Variants in BCAT1 observed in about 807,000 individuals in gnomAD.
BCAT1 encodes branched-chain-amino-acid aminotransferase, cytosolic.
Under a neutral mutation model 52.4 loss-of-function variants are expected in BCAT1, and 48 were observed. That is an observed-to-expected ratio of 0.92 (90% CI 0.73 to 1.16). The LOEUF is 1.16. Ranked by LOEUF, BCAT1 falls within the 50% of genes most tolerant of loss-of-function variation. BCAT1 has a pLI of 0.00. For synonymous variants in BCAT1, 167 were observed against 161.3 expected (o/e 1.04, Z -0.27); for missense variants, 451 against 457.1 (o/e 0.99, Z 0.12).
intron 1 of BCAT1, among the ~76,000 whole-genome samples, chr12:24,930,991 C>T (rs982987556): frequency 2.0e-5 from 3 of 150,912 alleles, no homozygotes; most frequent in African/African-American, 7.3e-5. Flanking sequence ...CAACCTCCAC[C>T]TCCCAGGTTC....
rs182736216 is a variant in BCAT1, at chr12:24,839,432, A to G, written c.817+2650T>C. Among the ~76,000 whole-genome samples, 83 of 152,322 alleles carry G rather than the reference A, an allele frequency of 5.4e-4. No individual in the cohort carries two copies. The East Asian group carries it at 0.011, about 20-fold the overall frequency. On this transcript the variant is annotated intron_variant, in intron 7 of 10. Coordinates refer to ENST00000261192, the MANE Select transcript of BCAT1 (RefSeq NM_005504.7). The stretch of plus-strand genomic sequence containing the variant: ...CCAAAGTGACTGTGAACTCAACCAC[A>G]AGGCCTGGGTCTTATTTTTCAGGGT...
At position 24,840,553 on chromosome 12, in the gene BCAT1, CT is replaced by C. The variant is rs202230492; in HGVS notation, c.817+1528del. On this transcript the variant is annotated intron_variant, in intron 7 of 10. Transcript: ENST00000261192. ...GCAGGAATGGAAGGATGAGAATGAT[CT>C]GTATCTGGTTTTTCATATGCCAAGG... Among the ~76,000 whole-genome samples, 136 of 152,306 alleles carry C rather than the reference CT, an allele frequency of 8.9e-4. 1 individual carries two copies. In the South Asian group the frequency reaches 9.9e-3, roughly 11 times the overall value.
At chr12:24,887,083 ATATAT>A (rs1565483162) in intron 3 of BCAT1, among the ~76,000 whole-genome samples, 76 of 95,128 alleles carry the variant, frequency 8.0e-4, no homozygotes, top group Non-Finnish European at 1.5e-3. Flanking sequence ...AAAAAAAAAT[ATATAT>A]ATATATATAT....
At position 24,894,392 on chromosome 12, in the gene BCAT1, C is replaced by T. The variant is rs372121259; in HGVS notation, c.162G>A (p.Thr54=). 33 of 1,613,362 alleles carry T rather than the reference C, an allele frequency of 2.0e-5. No homozygotes were observed. Among genetic ancestry groups the T allele is most frequent in the Non-Finnish European group, 2.5e-5 (30 of 1,179,688 alleles). The change falls in exon 3 of 11, where the codon ACG becomes ACA. Residue 54 remains threonine, a synonymous_variant. Coordinates refer to ENST00000261192, the MANE Select transcript of BCAT1 (RefSeq NM_005504.7). ...ACCACTCCACCGTCAGCATATGATC[C>T]GTGAACACAGTTCCAAAAACCAGAT... ...PNNLVFGTVF[T]DHMLTVEWSS...
intron 1 of BCAT1, chr12:24,902,214 C>A: frequency 1.4e-6 from 2 of 1,422,188 alleles, no homozygotes; most frequent in Non-Finnish European, 1.8e-6. Context: ...CCCTTATATC[C>A]GAGCAAATAG....
chr12:24,887,088 T>TAA (rs1942699802), intron 3 of BCAT1, among the ~76,000 whole-genome samples: 1 of 34,472 alleles, frequency 2.9e-5, no homozygotes, highest in Non-Finnish European at 5.4e-5. Flanking sequence ...AAAATATATA[T>TAA]ATATATATAT....
At chr12:24,867,090 G>T (rs866233889) in intron 5 of BCAT1, among the ~76,000 whole-genome samples, 1 of 151,692 alleles carries the variant, frequency 6.6e-6, no homozygotes, top group East Asian at 1.9e-4. Flanking sequence ...CAGACATGCC[G>T]CCTTAAGAGC....
chr12:24,915,292 T>C (rs1252865819), intron 1 of BCAT1, among the ~76,000 whole-genome samples: 1 of 151,920 alleles, frequency 6.6e-6, no homozygotes, highest in South Asian at 2.1e-4. Flanking sequence ...CTGTGATATA[T>C]ACAGAAATGA....
At chr12:24,910,259 C>A (rs1397577311) in intron 1 of BCAT1, among the ~76,000 whole-genome samples, 2 of 151,966 alleles carry the variant, frequency 1.3e-5, no homozygotes, top group African/African-American at 4.8e-5. Context: ...TGCCTGTAAT[C>A]CCAGCTCTAC....
rs149334922 is a variant in BCAT1 at position 24,845,014 on chromosome 12, A to G, written c.675-2790T>C. 2.2e-3 allele frequency among the ~76,000 whole-genome samples: 339 copies of G among 151,738 alleles called. 2 individuals are homozygous for G. Among genetic ancestry groups the G allele is most frequent in the African/African-American group, 7.8e-3 (322 of 41,334 alleles). ...AGTTACTTGAGGTCAGGAGTTCCAG[A>G]CCAGCCTGGCTAACATGGTGAAACC... is the stretch of plus-strand genomic sequence containing the variant. On this transcript the variant is annotated intron_variant, in intron 6 of 10. Transcript: ENST00000261192.
Position 24,878,524 on chromosome 12 carries a change from T to C in BCAT1, c.510+6A>G. 6.2e-7 allele frequency: 1 copy of C among 1,601,458 alleles called. No individual in the cohort carries two copies. The highest frequency in any genetic ancestry group is 8.5e-7 in the Non-Finnish European group (1 of 1,175,622). On this transcript the variant is annotated splice_donor_region_variant and intron_variant, in intron 5 of 10. Transcript: ENST00000261192. ...AAGTACCCCAAAATAAAGAGTCAGT[T>C]TGCACCTCAGTTCCAATGAATGTAG...
At chr12:24,820,998 A>G (rs961807970) in intron 10 of BCAT1, among the ~76,000 whole-genome samples, 5 of 152,150 alleles carry the variant, frequency 3.3e-5, no homozygotes, top group Non-Finnish European at 7.4e-5. Flanking sequence ...GTAATCCTGT[A>G]ACACGTGGAG....
intron 5 of BCAT1, among the ~76,000 whole-genome samples, chr12:24,872,528 T>C (rs192608981): frequency 1.3e-5 from 2 of 152,376 alleles, no homozygotes; most frequent in Non-Finnish European, 2.9e-5. Context: ...ATTAACTAAA[T>C]GCAGACAGCT....
rs1939725977 is a variant in BCAT1, at chr12:24,812,617, G to A, written c.*5391C>T. On this transcript the variant is annotated 3_prime_UTR_variant, in exon 11 of 11. Coordinates refer to ENST00000261192, the MANE Select transcript of BCAT1 (RefSeq NM_005504.7). ...TTTAGCAACTACATTGAAAGCTGAA[G>A]AAGATCTCAATGCTTGACAGAATAA... 1 of 152,042 alleles carries A rather than the reference G, an allele frequency of 6.6e-6. No individual in the cohort carries two copies. The highest frequency in any genetic ancestry group is 1.5e-5 in the Non-Finnish European group (1 of 67,922). The allele number at this position is 152,042 out of a possible 1,614,324, so 9.4% of individuals were successfully genotyped here.
chr12:24,915,099 G>A (rs904248751), intron 1 of BCAT1, among the ~76,000 whole-genome samples: 1 of 151,810 alleles, frequency 6.6e-6, no homozygotes, highest in Non-Finnish European at 1.5e-5. Flanking sequence ...AGTAAGAATG[G>A]TGATTTATCA....
At chr12:24,827,712 A>C (rs1158811557) in intron 10 of BCAT1, among the ~76,000 whole-genome samples, 2 of 152,208 alleles carry the variant, frequency 1.3e-5, no homozygotes, top group African/African-American at 4.8e-5. Context: ...GAATCACTTG[A>C]ACCCAGGAGG....
At chr12:24,885,219 T>C (rs1413520671) in intron 3 of BCAT1, among the ~76,000 whole-genome samples, 1 of 152,268 alleles carries the variant, frequency 6.6e-6, no homozygotes, top group East Asian at 1.9e-4. Context: ...AAATCATCTG[T>C]TTAGGCAAGC....
At chr12:24,942,647 G>A (rs914519418) in intron 1 of BCAT1, among the ~76,000 whole-genome samples, 5 of 152,172 alleles carry the variant, frequency 3.3e-5, no homozygotes, top group Non-Finnish European at 4.4e-5. Context: ...GGCCATACTG[G>A]CCTTCTCCTT....
chr12:24,916,747 G>T (rs1943415947), intron 1 of BCAT1, among the ~76,000 whole-genome samples: 1 of 152,124 alleles, frequency 6.6e-6, no homozygotes, highest in African/African-American at 2.4e-5. Flanking sequence ...CACCATCTTG[G>T]CCAGGCTGTT....
Sources: gnomAD v4.1 joint callset for allele counts (sites outside exome capture counted in the v4.1 genomes callset) on GRCh38, gnomAD v4.1.1 for gene constraint, MANE v1.5 for transcripts, NCBI Gene and HGNC (gene_info 2026-07-23, HGNC 2026-07-21) for gene names.